VGLL2: variants seen among roughly 807,000 people sequenced by gnomAD.
VGLL2 encodes the protein transcription cofactor vestigial-like protein 2.
In VGLL2, 18 loss-of-function variants were observed where a neutral mutation model predicts 27.0. The ratio of observed to expected loss-of-function variants is 0.67; its 90% CI spans 0.46 to 0.99. The LOEUF is 0.99. Among genes scored for constraint, VGLL2 ranks in the 50% least tolerant of loss-of-function variants. The pLI is 0.00. For missense variants in VGLL2, 491 were observed against 452.3 expected, an observed-to-expected ratio of 1.09 and a Z score of -0.78; for synonymous variants, 220 against 201.1, an observed-to-expected ratio of 1.09 and a Z score of -0.80.
intron 1 of VGLL2, among the ~76,000 whole-genome samples, chr6:117,267,051 T>C (rs1461625931): frequency 6.6e-6 from 1 of 152,174 alleles, no homozygotes; most frequent in Non-Finnish European, 1.5e-5. Flanking sequence ...TGTCCCCAAT[T>C]ATTTCAAACC....
chr6:117,269,185 T>C (rs548685292), intron 2 of VGLL2, among the ~76,000 whole-genome samples: 1 of 152,176 alleles, frequency 6.6e-6, no homozygotes, highest in Non-Finnish European at 1.5e-5. Context: ...TTTTCTACCT[T>C]CCCCCACAAA....
At chr6:117,266,078 T>G (rs542305013) in intron 1 of VGLL2, among the ~76,000 whole-genome samples, 10 of 152,312 alleles carry the variant, frequency 6.6e-5, no homozygotes, top group African/African-American at 2.4e-4. Context: ...AATGTGAGCC[T>G]AGGTCTTCCC....
intron 3 of VGLL2, 129 bp from the exon 4 acceptor site, chr6:117,272,325 C>A: frequency 1.3e-6 from 2 of 1,543,700 alleles, no homozygotes; most frequent in Non-Finnish European, 1.7e-6. Flanking sequence ...AGCCTCAGGA[C>A]AAAAGCAAGG....
At chr6:117,270,220 G>T (rs1241282110) in intron 2 of VGLL2, among the ~76,000 whole-genome samples, 1 of 151,938 alleles carries the variant, frequency 6.6e-6, no homozygotes, top group African/African-American at 2.4e-5. Flanking sequence ...GAGTCTCTCC[G>T]CTCTTGCTAC....
chr6:117,266,290 G>A (rs1192082491), intron 1 of VGLL2, among the ~76,000 whole-genome samples: 2 of 152,186 alleles, frequency 1.3e-5, no homozygotes, highest in Non-Finnish European at 2.9e-5. Flanking sequence ...TGCAAGGGCC[G>A]GTGTTCTCAT....
chr6:117,265,775 G>C lies in VGLL2; in HGVS notation c.12G>C (p.Leu4=), dbSNP rs767336925. 2 of 1,614,086 alleles carry C rather than the reference G, an allele frequency of 1.2e-6. No homozygotes were observed. Among genetic ancestry groups the C allele is most frequent in the African/African-American group, 1.3e-5 (1 of 75,056 alleles). Residue 4 remains leucine, a synonymous_variant, in exon 1 of 4, where the codon CTG becomes CTC. Coordinates refer to ENST00000326274, the MANE Select transcript of VGLL2 (RefSeq NM_182645.3). ...CGCTGCGGAGAGTCATGAGCTGTCT[G>C]GATGTTATGTACCAAGTCTATGGTC... MSC[L]DVMYQVYGPP...
intron 1 of VGLL2, among the ~76,000 whole-genome samples, chr6:117,267,413 G>A (rs1773088767): frequency 6.6e-6 from 1 of 152,028 alleles, no homozygotes; most frequent in African/African-American, 2.4e-5. Flanking sequence ...TCCTCAATGT[G>A]TGTGGAGATG....
chr6:117,272,016 T>C (rs774936962), intron 3 of VGLL2, among the ~76,000 whole-genome samples: 1 of 152,144 alleles, frequency 6.6e-6, no homozygotes, highest in Admixed American at 6.5e-5. Flanking sequence ...TGATTTGACT[T>C]TTCGGTTTGC....
At chr6:117,270,485 C>G in intron 2 of VGLL2, 58 bp from the exon 3 acceptor site, 1 of 1,507,778 alleles carries the variant, frequency 6.6e-7, no homozygotes, top group Non-Finnish European at 8.9e-7. Flanking sequence ...TGAGTCCAGC[C>G]GCAGTGACAC....
intron 2 of VGLL2, among the ~76,000 whole-genome samples, chr6:117,270,073 G>A (rs1380416896): frequency 6.6e-6 from 1 of 152,210 alleles, no homozygotes; most frequent in African/African-American, 2.4e-5. Flanking sequence ...AGAGGGGGTA[G>A]TGAGATCACT....
intron 1 of VGLL2, among the ~76,000 whole-genome samples, chr6:117,267,015 T>C (rs1773081374): frequency 6.6e-6 from 1 of 152,142 alleles, no homozygotes; most frequent in African/African-American, 2.4e-5. Flanking sequence ...TAGGAAGTGG[T>C]GATATTGCTA....
chr6:117,267,011 G>A (rs1773081278), intron 1 of VGLL2, among the ~76,000 whole-genome samples: 1 of 152,170 alleles, frequency 6.6e-6, no homozygotes, highest in South Asian at 2.1e-4. Context: ...CATTTAGGAA[G>A]TGGTGATATT....
chr6:117,270,694 G>T lies in VGLL2; in HGVS notation c.543G>T (p.Ala181=). The change falls in exon 3 of 4, where the codon GCG becomes GCT. Residue 181 remains alanine, a synonymous_variant. Transcript: ENST00000326274. ...CCGCCGACCCCTACTCGCCCGCCGC[G>T]CTGCATGGCCACCTGCACCAGGGCG... The part of the protein sequence containing the change: ...FAAADPYSPA[A]LHGHLHQGAT... 2.6e-6 allele frequency: 4 copies of T among 1,538,598 alleles called. No homozygotes were observed. The highest frequency in any genetic ancestry group is 3.5e-6 in the Non-Finnish European group (4 of 1,151,020).
At chr6:117,265,868 T>G in intron 1 of VGLL2, 24 bp downstream of exon 1, 1 of 1,600,212 alleles carries the variant, frequency 6.2e-7, no homozygotes, top group South Asian at 1.1e-5. Flanking sequence ...CTGGGGACTT[T>G]GGGAAGGAGT....
In VGLL2 at chr6:117,265,710, C is replaced by G; in HGVS notation, c.-54C>G. On this transcript the variant is annotated 5_prime_UTR_variant, in exon 1 of 4. Coordinates refer to ENST00000326274, the MANE Select transcript of VGLL2 (RefSeq NM_182645.3). ...GCCGCCCATGCAGCACCCCTGAGCT[C>G]CGGGGAAGGAGAGTTAATGAAAAAA... is the stretch of plus-strand genomic sequence containing the variant. The G allele has an allele frequency of 2.6e-6, 4 of 1,532,408 alleles. No homozygotes were observed. The South Asian group carries it at 4.5e-5, about 17-fold the overall frequency. 94.9% of individuals were successfully genotyped at this position (1,532,408 alleles called of 1,614,324 possible). A position where few individuals can be genotyped will look rare whatever the true frequency, so the allele number is the denominator to read the frequency against.
At chr6:117,271,573 C>G (rs1217831687) in intron 3 of VGLL2, among the ~76,000 whole-genome samples, 2 of 152,008 alleles carry the variant, frequency 1.3e-5, no homozygotes, top group Admixed American at 6.6e-5. Context: ...CATTGCATAT[C>G]GATTATAAAA....
At chr6:117,271,330 A>AATG (rs1554217560) in intron 3 of VGLL2, among the ~76,000 whole-genome samples, 91 of 139,740 alleles carry the variant, frequency 6.5e-4, no homozygotes, top group African/African-American at 2.2e-3. Flanking sequence ...TAATGATAAT[A>AATG]ATAATAATAA....
In VGLL2 at chr6:117,265,848, CG is replaced by C; in HGVS notation, c.81+5del. 1 of 1,613,614 alleles carries C rather than the reference CG, an allele frequency of 6.2e-7. No homozygotes were observed. The highest frequency in any genetic ancestry group is 8.5e-7 in the Non-Finnish European group (1 of 1,179,512). On this transcript the variant is annotated splice_donor_5th_base_variant and intron_variant, in intron 1 of 3. Transcript: ENST00000326274. Reference sequence around the variant, plus strand: ...CGCCTACACCCCCTACCACCAGGTACGTGTCTCCTCTGGGGACTTTGGGAAG... The same window carrying C: ...CGCCTACACCCCCTACCACCAGGTACTGTCTCCTCTGGGGACTTTGGGAAG...
Position 117,271,055 on chromosome 6 carries a change from G to A in VGLL2, c.904G>A (p.Val302Met). 1 of 1,226,408 alleles carries A rather than the reference G, an allele frequency of 8.2e-7. No individual in the cohort carries two copies. Among genetic ancestry groups the A allele is most frequent in the Non-Finnish European group, 1.0e-6 (1 of 985,436 alleles). The allele number at this position is 1,226,408 out of a possible 1,614,324, so 76.0% of individuals were successfully genotyped here. A position where few individuals can be genotyped will look rare whatever the true frequency, so the allele number is the denominator to read the frequency against. Reference sequence around the variant, plus strand: ...CGTGGCCCAGGGTCTGGGCCTCAGCGTGGACTCAGGTAAGCAGAGGAAGAA... The same window carrying A: ...CGTGGCCCAGGGTCTGGGCCTCAGCATGGACTCAGGTAAGCAGAGGAAGAA... ...GDVAQGLGLS[V>M]DSARRYSLCG... Residue 302 changes from valine (V) to methionine (M), a missense_variant, in exon 3 of 4, where the codon GTG (valine) becomes ATG (methionine). Physicochemically the swap from Val to Met is conservative, Grantham distance 21. Transcript: ENST00000326274.
Sources: allele counts gnomAD v4.1 joint callset (sites outside exome capture counted in the v4.1 genomes callset), GRCh38; gene constraint gnomAD v4.1.1; transcripts MANE v1.5; gene names NCBI Gene and HGNC (gene_info 2026-07-23, HGNC 2026-07-21).